The following CEP83 variants were observed in gnomAD, a reference collection of about 807,000 sequenced individuals.
CEP83 encodes the protein centrosomal protein 83.
Under a neutral mutation model 101.9 loss-of-function variants are expected in CEP83, and 70 were observed. That is an observed-to-expected ratio of 0.69 (90% CI 0.57 to 0.84). CEP83 has a LOEUF of 0.84. Ranked by LOEUF, CEP83 falls within the 40% of genes least tolerant of loss-of-function variation. The pLI is 0.00. For synonymous variants in CEP83, 264 were observed against 267.9 expected, an observed-to-expected ratio of 0.99 and a Z score of 0.14; for missense variants, 715 against 787.2, an observed-to-expected ratio of 0.91 and a Z score of 1.10.
At chr12:94,374,378 G>A (rs1416251460) in intron 8 of CEP83, among the ~76,000 whole-genome samples, 2 of 152,014 alleles carry the variant, frequency 1.3e-5, no homozygotes, top group African/African-American at 2.4e-5. Flanking sequence ...CTCAGGTCAA[G>A]AACAATGTGC....
At chr12:94,423,906 A>G in intron 2 of CEP83, 1 of 1,610,746 alleles carries the variant, frequency 6.2e-7, no homozygotes, top group Non-Finnish European at 8.5e-7. Flanking sequence ...GTCAGCATAT[A>G]CATGCCTGTG....
chr12:94,431,134 A>G, intron 2 of CEP83, among the ~76,000 whole-genome samples: 1 of 152,206 alleles, frequency 6.6e-6, no homozygotes, highest in East Asian at 1.9e-4. Flanking sequence ...TTACACCCAG[A>G]AAGAAATCCA....
chr12:94,320,597 A>G lies in CEP83; in HGVS notation c.1708-7580T>C, dbSNP rs549405722. ...CCATTTAACAAGCATTTGCTTATCT[A>G]AAACTCCCTCAGTATTTGCTTATCT... is the stretch of plus-strand genomic sequence containing the variant. On this transcript the variant is annotated intron_variant, in intron 14 of 16. Coordinates refer to ENST00000397809, the MANE Select transcript of CEP83 (RefSeq NM_016122.3). Among the ~76,000 whole-genome samples the G allele has an allele frequency of 2.6e-5, 4 of 152,154 alleles. No individual in the cohort carries two copies. In the South Asian group the frequency reaches 8.3e-4, roughly 32 times the overall value.
intron 1 of CEP83, among the ~76,000 whole-genome samples, chr12:94,453,851 C>G (rs1270580309): frequency 1.3e-5 from 2 of 152,192 alleles, no homozygotes; most frequent in African/African-American, 4.8e-5. Flanking sequence ...GTAATCCCAG[C>G]ACTTTGGGAG....
intron 4 of CEP83, among the ~76,000 whole-genome samples, chr12:94,406,301 T>G (rs73370361): frequency 0.13 from 19,966 of 151,650 alleles, 1,450 homozygotes; most frequent in African/African-American, 0.2. Flanking sequence ...CTCCAGCCTG[T>G]GCAACAAGAG....
chr12:94,269,098 A>G, the CEP83 span, among the ~76,000 whole-genome samples: 1 of 152,208 alleles, frequency 6.6e-6, no homozygotes, highest in African/African-American at 2.4e-5. Context: ...AGAAAAACCA[A>G]TAACTCGTAG....
chr12:94,439,429 G>A (rs1449541356), intron 1 of CEP83, among the ~76,000 whole-genome samples: 2 of 151,944 alleles, frequency 1.3e-5, no homozygotes, highest in East Asian at 3.9e-4. Flanking sequence ...AGAAAACCTA[G>A]AGGAGATGGA....
intron 15 of CEP83, among the ~76,000 whole-genome samples, chr12:94,311,860 A>G (rs955583056): frequency 6.6e-6 from 1 of 152,204 alleles, no homozygotes; most frequent in African/African-American, 2.4e-5. Context: ...CCAATCTTGA[A>G]TTGCTAACAT....
At chr12:94,308,994 T>C (rs1969411160) in intron 16 of CEP83, 77 bp from the exon 17 acceptor site, 8 of 921,552 alleles carry the variant, frequency 8.7e-6, no homozygotes, top group Non-Finnish European at 1.4e-5. Context: ...GACTGCCTCT[T>C]TTATATATGC....
At chr12:94,435,780 G>A (rs1264173278) in intron 1 of CEP83, among the ~76,000 whole-genome samples, 2 of 152,192 alleles carry the variant, frequency 1.3e-5, no homozygotes, top group Admixed American at 1.3e-4. Context: ...GCTAATCAGA[G>A]GTCCTGAGTC....
At chr12:94,294,356 G>C in the CEP83 span, 1 of 570,368 alleles carries the variant, frequency 1.8e-6, no homozygotes. Context: ...CCAGAACATA[G>C]TAATTCTTGA....
chr12:94,373,613 T>C (rs1023455382), intron 8 of CEP83, among the ~76,000 whole-genome samples: 3 of 152,142 alleles, frequency 2.0e-5, no homozygotes, highest in African/African-American at 7.2e-5. Context: ...ATTCTGAAAA[T>C]GAAAAACCTT....
chr12:94,277,524 A>G, the CEP83 span, among the ~76,000 whole-genome samples: 4 of 152,320 alleles, frequency 2.6e-5, no homozygotes, highest in African/African-American at 9.6e-5. Flanking sequence ...CCCTCTTTGC[A>G]GATGAGAAAG....
At chr12:94,393,158 G>C (rs1258542342) in intron 6 of CEP83, among the ~76,000 whole-genome samples, 1 of 152,146 alleles carries the variant, frequency 6.6e-6, no homozygotes, top group Non-Finnish European at 1.5e-5. Flanking sequence ...CCAAAGCCTG[G>C]AAGAGACACA....
chr12:94,422,034 T>C (rs1286426646), intron 2 of CEP83, among the ~76,000 whole-genome samples: 1 of 152,252 alleles, frequency 6.6e-6, no homozygotes, highest in African/African-American at 2.4e-5. Flanking sequence ...GGCATGCCTA[T>C]ATAGGCCCAA....
At chr12:94,271,465 G>A in the CEP83 span, among the ~76,000 whole-genome samples, 40 of 152,320 alleles carry the variant, frequency 2.6e-4, no homozygotes, top group African/African-American at 6.3e-4. Flanking sequence ...ATCATGTGAC[G>A]GGACGATGGG....
At chr12:94,457,155 A>G (rs957132661) in intron 1 of CEP83, among the ~76,000 whole-genome samples, 6 of 152,216 alleles carry the variant, frequency 3.9e-5, no homozygotes, top group Admixed American at 3.3e-4. Context: ...GGGATAGTGA[A>G]GAAACCAATC....
Position 94,367,762 on chromosome 12 carries a change from T to A in CEP83, c.1343+32A>T, listed in dbSNP as rs746662932. The A allele has an allele frequency of 4.7e-6, 7 of 1,497,142 alleles. No individual in the cohort carries two copies. The South Asian group carries it at 9.3e-5, about 20-fold the overall frequency. The allele number at this position is 1,497,142 out of a possible 1,614,324, so 92.7% of individuals were successfully genotyped here. ...TGTTAACTCTGACCTTATTTCAACA[T>A]GAAAAACTTTAAATATATATGTATA... On this transcript the variant is annotated intron_variant, in intron 11 of 16. Coordinates refer to ENST00000397809, the MANE Select transcript of CEP83 (RefSeq NM_016122.3).
At chr12:94,345,904 C>T (rs189314734) in intron 11 of CEP83, among the ~76,000 whole-genome samples, 27 of 152,168 alleles carry the variant, frequency 1.8e-4, no homozygotes, top group Non-Finnish European at 1.9e-4. Flanking sequence ...GACAGGGTAC[C>T]GCAAGCCTCC....
Sources: allele counts gnomAD v4.1 joint callset (sites outside exome capture counted in the v4.1 genomes callset), GRCh38; gene constraint gnomAD v4.1.1; transcripts MANE v1.5; gene names NCBI Gene and HGNC (gene_info 2026-07-23, HGNC 2026-07-21).